The following UNC80 variants were observed in gnomAD, a reference collection of about 807,000 sequenced individuals.
UNC80 encodes the protein protein unc-80 homolog.
UNC80 carries 164 observed loss-of-function variants against 384.6 expected under a neutral mutation model. That is an observed-to-expected ratio of 0.43 (90% CI 0.38 to 0.49). The LOEUF (loss-of-function observed/expected upper bound fraction) is 0.49. Among genes scored for constraint, UNC80 ranks in the 20% least tolerant of loss-of-function variants. The probability of loss-of-function intolerance (pLI) is 0.00; values close to 1 mark genes in which losing one functional copy is unlikely to be tolerated. For synonymous variants in UNC80, 1,486 were observed against 1,527.8 expected (o/e 0.97, Z 0.64); for missense variants, 3,330 against 4,143.0 (o/e 0.80, Z 5.39).
chr2:209,885,025 A>G (rs903622084), intron 25 of UNC80, among the ~76,000 whole-genome samples: 1 of 152,078 alleles, frequency 6.6e-6, no homozygotes, highest in Non-Finnish European at 1.5e-5. Flanking sequence ...ACAAACCTGC[A>G]CGCCCTGCAC....
In UNC80 at chr2:209,815,321, C is replaced by T; in HGVS notation, c.1265C>T (p.Ser422Leu). Reference protein sequence around the residue: ...SLSSEAFSKVSLTNLRRSAVP... With the variant: ...SLSSEAFSKVLLTNLRRSAVP... ...AGCTCTGAGGCCTTTTCCAAGGTTT[C>T]ACTGACCAATCTGCGTAGATCTGCA... The change falls in exon 9 of 65, where the codon TCA (serine) becomes TTA (leucine). Residue 422 changes from serine to leucine, a missense_variant. Coordinates refer to ENST00000673920, the MANE Select transcript of UNC80 (RefSeq NM_001371986.1). 1 of 1,551,668 alleles carries T rather than the reference C, an allele frequency of 6.4e-7. No homozygotes were observed. The highest frequency in any genetic ancestry group is 8.7e-7 in the Non-Finnish European group (1 of 1,146,972).
chr2:209,911,792 A>C (rs144479857), intron 29 of UNC80, among the ~76,000 whole-genome samples: 187 of 152,304 alleles, frequency 1.2e-3, no homozygotes, highest in African/African-American at 4.3e-3. Context: ...TGGATAAATA[A>C]GCCTGCCTTC....
At chr2:209,928,597 A>C (rs2090614614) in intron 36 of UNC80, among the ~76,000 whole-genome samples, 1 of 152,228 alleles carries the variant, frequency 6.6e-6, no homozygotes, top group African/African-American at 2.4e-5. Context: ...GTGATATTTC[A>C]GTACCTGTAT....
chr2:209,798,829 C>G (rs998288046), intron 7 of UNC80, among the ~76,000 whole-genome samples: 9 of 148,502 alleles, frequency 6.1e-5, no homozygotes, highest in Admixed American at 1.3e-4. Context: ...AGGCGCCCAC[C>G]ACCAAGCCTG....
At chr2:209,861,950 GTCTA>G (rs1357072604) in intron 22 of UNC80, among the ~76,000 whole-genome samples, 9 of 151,932 alleles carry the variant, frequency 5.9e-5, no homozygotes, top group African/African-American at 1.9e-4. Flanking sequence ...CTAGCTAGTG[GTCTA>G]TCTATTTTGC....
rs1456749833 is a variant in UNC80, at chr2:209,848,559, C to T, written c.3455-892C>T. 2.0e-5 allele frequency among the ~76,000 whole-genome samples: 3 copies of T among 152,150 alleles called. No homozygotes were observed. In the East Asian group the frequency reaches 5.8e-4, roughly 29 times the overall value. On this transcript the variant is annotated intron_variant, in intron 21 of 64. Transcript: ENST00000673920. ...TTAGAAATGGCCATATTTGCTTCAT[C>T]TATCTTTCATGCTCTTTTAAATGTA... is the stretch of plus-strand genomic sequence containing the variant.
At chr2:209,992,073 A>G (rs925581796) in intron 61 of UNC80, 93 bp from the exon 62 acceptor site, 18 of 915,304 alleles carry the variant, frequency 2.0e-5, no homozygotes, top group Admixed American at 1.8e-4. Flanking sequence ...CTTTGAAGTG[A>G]CTGTATCATA....
rs936575936 is a variant in UNC80 at position 209,930,753 on chromosome 2, T to C, written c.5908-215T>C. 3.2e-4 allele frequency among the ~76,000 whole-genome samples: 49 copies of C among 152,198 alleles called. 1 individual carries two copies. The highest frequency in any genetic ancestry group is 3.2e-3 in the Admixed American group (49 of 15,266). On this transcript the variant is annotated intron_variant, in intron 37 of 64. Coordinates refer to ENST00000673920, the MANE Select transcript of UNC80 (RefSeq NM_001371986.1). ...GTCGTTTACTGCTCAGTGATTTTTA[T>C]GTGTTAGCTCCTAGGAGAAAGGTGT... is the stretch of plus-strand genomic sequence containing the variant.
chr2:209,817,913 G>C lies in UNC80; in HGVS notation c.1654G>C (p.Asp552His), dbSNP rs2079859482. ...TCACACCCTGGTAAGCGACCTGCCGGACCCCTCCAACAGCCATGGAGAAAA... is the reference window on the plus strand; with the variant it reads ...TCACACCCTGGTAAGCGACCTGCCGCACCCCTCCAACAGCCATGGAGAAAA... Reference protein sequence around the residue: ...SHHTLVSDLPDPSNSHGENTV... With the variant: ...SHHTLVSDLPHPSNSHGENTV... Residue 552 changes from aspartate (D) to histidine (H), a missense_variant, in exon 11 of 65, where the codon GAC becomes CAC. Around this residue, in one of 8 missense-constraint regions of UNC80, gnomAD observed 937 missense variants for 1,026.8 expected, o/e 0.91. Transcript: ENST00000673920. 6.4e-7 allele frequency: 1 copy of C among 1,551,644 alleles called. No homozygotes were observed. Among genetic ancestry groups the C allele is most frequent in the African/African-American group, 1.4e-5 (1 of 73,130 alleles).
intron 22 of UNC80, among the ~76,000 whole-genome samples, chr2:209,863,842 T>C (rs2083512089): frequency 6.6e-6 from 1 of 152,030 alleles, no homozygotes; most frequent in South Asian, 2.1e-4. Context: ...TTCTGTCAAT[T>C]TGTCCATGTG....
At chr2:209,945,311 G>T in intron 46 of UNC80, 122 bp downstream of exon 46, 1 of 1,049,682 alleles carries the variant, frequency 9.5e-7, no homozygotes, top group Non-Finnish European at 1.3e-6. Flanking sequence ...AATCAAAGTA[G>T]CAAAAATAAA....
intron 53 of UNC80, 71 bp from the exon 54 acceptor site, chr2:209,970,761 G>T: frequency 1.4e-6 from 2 of 1,475,188 alleles, no homozygotes; most frequent in Non-Finnish European, 1.8e-6. Context: ...CATCATCATT[G>T]AGACTCCTTT....
intron 7 of UNC80, among the ~76,000 whole-genome samples, chr2:209,811,849 C>T (rs1025045140): frequency 6.6e-6 from 1 of 152,076 alleles, no homozygotes; most frequent in African/African-American, 2.4e-5. Context: ...ATGGTATGTG[C>T]TTCGATAGGG....
At chr2:209,940,658 A>G (rs2091566361) in intron 43 of UNC80, among the ~76,000 whole-genome samples, 1 of 152,094 alleles carries the variant, frequency 6.6e-6, no homozygotes, top group Admixed American at 6.6e-5. Flanking sequence ...TACTAAAAAT[A>G]CAAAAAAAAT....
intron 51 of UNC80, 39 bp from the exon 52 acceptor site, chr2:209,967,397 CT>C: frequency 7.3e-7 from 1 of 1,373,178 alleles, no homozygotes; most frequent in South Asian, 1.8e-5. Context: ...TAATTCTAAG[CT>C]TATACTTTAA....
At chr2:209,967,724 T>C (rs978901269) in intron 52 of UNC80, 87 bp downstream of exon 52, 20 of 1,363,006 alleles carry the variant, frequency 1.5e-5, no homozygotes, top group Non-Finnish European at 2.0e-5. Flanking sequence ...CATTCTGGAG[T>C]TGAATGGATG....
intron 13 of UNC80, among the ~76,000 whole-genome samples, chr2:209,824,479 G>A (rs188637778): frequency 1.8e-4 from 28 of 152,274 alleles, no homozygotes; most frequent in African/African-American, 6.7e-4. Context: ...GAGGCAAAGA[G>A]ACCTTTTTAG....
At chr2:209,867,381 C>A (rs1051889963) in intron 22 of UNC80, among the ~76,000 whole-genome samples, 9 of 151,736 alleles carry the variant, frequency 5.9e-5, no homozygotes, top group African/African-American at 2.2e-4. Flanking sequence ...GAAACATTAT[C>A]AATCTAAGAA....
At chr2:209,937,731 A>C (rs573293434) in intron 42 of UNC80, 101 bp downstream of exon 42, 1 of 884,932 alleles carries the variant, frequency 1.1e-6, no homozygotes, top group African/African-American at 1.7e-5. Flanking sequence ...TTCCATTTTG[A>C]CCCTCTCTGG....
Sources: gnomAD v4.1 joint callset for allele counts (sites outside exome capture counted in the v4.1 genomes callset) on GRCh38, gnomAD v4.1.1 for gene constraint, gnomAD v4.1.1 regional missense constraint, MANE v1.5 for transcripts, NCBI Gene and HGNC (gene_info 2026-07-23, HGNC 2026-07-21) for gene names.